The following PRUNE2 variants were observed in gnomAD, a reference collection of about 807,000 sequenced individuals.
PRUNE2 encodes the protein prune homolog 2 with BCH domain.
A neutral mutation model predicts 252.0 loss-of-function variants in PRUNE2; 164 were observed. The observed-to-expected ratio is 0.65, with a 90% CI of 0.57 to 0.74. The LOEUF (loss-of-function observed/expected upper bound fraction) is 0.74, where lower values mean the gene tolerates loss of function less well. Ranked by LOEUF, PRUNE2 falls within the 30% of genes least tolerant of loss-of-function variation. The pLI is 0.00. For synonymous variants in PRUNE2, 1,292 were observed against 1,350.2 expected (o/e 0.96, Z 0.94); for missense variants, 3,495 against 3,711.0 (o/e 0.94, Z 1.51).
intron 6 of PRUNE2, among the ~76,000 whole-genome samples, chr9:76,720,960 G>C (rs2047591482): frequency 6.6e-6 from 1 of 152,102 alleles, no homozygotes; most frequent in Non-Finnish European, 1.5e-5. Flanking sequence ...AATTAGCCAG[G>C]CGTGGTGACC....
Position 76,791,967 on chromosome 9 carries a change from A to C in PRUNE2, c.756+31665T>G, listed in dbSNP as rs527531650. On this transcript the variant is annotated intron_variant, in intron 6 of 18. Transcript: ENST00000376718. ...AGGGAGGGAAGGGAACACTTCAGACAGATTTGAGCATGCAGGGGCATGCTC... is the reference window on the plus strand; with the variant it reads ...AGGGAGGGAAGGGAACACTTCAGACCGATTTGAGCATGCAGGGGCATGCTC... Among the ~76,000 whole-genome samples, 6 of 152,270 alleles carry C rather than the reference A, an allele frequency of 3.9e-5. No homozygotes were observed. In the South Asian group the frequency reaches 1.2e-3, roughly 32 times the overall value.
intron 1 of PRUNE2, among the ~76,000 whole-genome samples, chr9:76,873,337 T>A (rs891797700): frequency 6.6e-6 from 1 of 152,226 alleles, no homozygotes; most frequent in Non-Finnish European, 1.5e-5. Flanking sequence ...AATAAAAGTT[T>A]TTTTAAAAGA....
chr9:76,837,814 C>G (rs1373614408), intron 4 of PRUNE2, among the ~76,000 whole-genome samples: 2 of 149,838 alleles, frequency 1.3e-5, no homozygotes, highest in South Asian at 2.1e-4. Flanking sequence ...CTCTGTCGCC[C>G]AGGCTGGAGT....
At position 76,703,786 on chromosome 9, in the gene PRUNE2, G is replaced by A. The variant is rs371803635; in HGVS notation, c.7827C>T (p.Leu2609=). ...TTTTAGAAGACATTTTCTCTGCAGAGAGACCTTTTCTTTCATTTAAGGAGG... is the reference window on the plus strand; with the variant it reads ...TTTTAGAAGACATTTTCTCTGCAGAAAGACCTTTTCTTTCATTTAAGGAGG... ...QPASLNERKG[L]SAEKMSSKSD... The change falls in exon 9 of 19, where the codon CTC becomes CTT. Residue 2609 remains leucine, a synonymous_variant. Coordinates refer to ENST00000376718, the MANE Select transcript of PRUNE2 (RefSeq NM_015225.3). The A allele has an allele frequency of 1.2e-6, 2 of 1,613,768 alleles. No individual in the cohort carries two copies. The highest frequency in any genetic ancestry group is 2.7e-5 in the African/African-American group (2 of 74,898).
intron 3 of PRUNE2, among the ~76,000 whole-genome samples, chr9:76,848,762 C>T (rs957310632): frequency 1.3e-5 from 2 of 152,214 alleles, no homozygotes; most frequent in Non-Finnish European, 2.9e-5. Context: ...TGTCTTATTC[C>T]TCCTTAGGCA....
intron 6 of PRUNE2, among the ~76,000 whole-genome samples, chr9:76,745,256 T>C (rs10869811): frequency 0.22 from 33,898 of 151,996 alleles, 4,958 homozygotes; most frequent in East Asian, 0.5. Flanking sequence ...AGCCCTTCCC[T>C]AAAATTCAGC....
Position 76,710,739 on chromosome 9 carries a change from G to A in PRUNE2, c.1535C>T (p.Ser512Phe), listed in dbSNP as rs557184592. Residue 512 changes from serine (S) to phenylalanine (F), a missense_variant, in exon 8 of 19, where the codon TCT (serine) becomes TTT (phenylalanine). Coordinates refer to ENST00000376718, the MANE Select transcript of PRUNE2 (RefSeq NM_015225.3). The part of the protein sequence containing the change: ...ASGQSQQSSH[S>F]ADYSPADDFF... ...GTCATCTGCTGGGGAGTAGTCTGCA[G>A]AATGAGAAGATTGCTGGGACTGCCC... 45 of 1,612,332 alleles carry A rather than the reference G, an allele frequency of 2.8e-5. No homozygotes were observed. In the South Asian group the frequency reaches 4.6e-4, roughly 17 times the overall value.
chr9:76,770,013 C>T (rs921567961), intron 6 of PRUNE2, among the ~76,000 whole-genome samples: 2 of 152,108 alleles, frequency 1.3e-5, no homozygotes, highest in South Asian at 2.1e-4. Context: ...GGATTAAAAA[C>T]ATAAAATTTA....
intron 12 of PRUNE2, chr9:76,642,034 G>T: frequency 6.8e-6 from 8 of 1,167,942 alleles, no homozygotes; most frequent in Non-Finnish European, 9.4e-6. Flanking sequence ...AAAAAGAAAA[G>T]AAACTCCTTG....
Position 76,711,031 on chromosome 9 carries a change from C to A in PRUNE2, c.1243G>T (p.Ala415Ser), listed in dbSNP as rs776620856. Residue 415 changes from alanine to serine, a missense_variant, in exon 8 of 19, where the codon GCT (alanine) becomes TCT (serine). Coordinates refer to ENST00000376718, the MANE Select transcript of PRUNE2 (RefSeq NM_015225.3). The stretch of plus-strand genomic sequence containing the variant: ...AGGTCTACATTGGCATCCACCTGAG[C>A]CTGGTTAGAATCATTGAGATCTGGA... ...NPPDLNDSNQ[A>S]QVDANVDLVS... 6.2e-7 allele frequency: 1 copy of A among 1,613,992 alleles called. No homozygotes were observed. Among genetic ancestry groups the A allele is most frequent in the East Asian group, 2.2e-5 (1 of 44,880 alleles).
chr9:76,777,891 G>A (rs1193908965), intron 6 of PRUNE2, among the ~76,000 whole-genome samples: 2 of 152,196 alleles, frequency 1.3e-5, no homozygotes, highest in Admixed American at 6.5e-5. Flanking sequence ...TTTCTAGTCA[G>A]AGAGGGGACA....
At chr9:76,761,835 T>C (rs535507765) in intron 6 of PRUNE2, among the ~76,000 whole-genome samples, 5 of 152,344 alleles carry the variant, frequency 3.3e-5, no homozygotes, top group African/African-American at 1.2e-4. Context: ...GATTTTGAGA[T>C]AGATTATTTA....
At chr9:76,793,330 G>A (rs2055740743) in intron 6 of PRUNE2, among the ~76,000 whole-genome samples, 1 of 152,214 alleles carries the variant, frequency 6.6e-6, no homozygotes, top group Non-Finnish European at 1.5e-5. Flanking sequence ...CCCAAGAGGA[G>A]GTTTACAAGC....
At chr9:76,666,359 C>T (rs1285200298) in intron 9 of PRUNE2, among the ~76,000 whole-genome samples, 1 of 152,220 alleles carries the variant, frequency 6.6e-6, no homozygotes, top group South Asian at 2.1e-4. Flanking sequence ...CCGCAGTTAT[C>T]CGGAGGCCTA....
intron 6 of PRUNE2, among the ~76,000 whole-genome samples, chr9:76,751,259 C>CACACAG (rs1315917849): frequency 1.3e-5 from 2 of 150,886 alleles, no homozygotes; most frequent in Non-Finnish European, 2.9e-5. Flanking sequence ...CAGACACACA[C>CACACAG]ACACACACAC....
intron 4 of PRUNE2, among the ~76,000 whole-genome samples, chr9:76,835,657 G>A (rs947598140): frequency 1.3e-5 from 2 of 152,040 alleles, no homozygotes; most frequent in African/African-American, 2.4e-5. Flanking sequence ...ACAGCCCTCC[G>A]TCTTCGTAAG....
chr9:76,708,469 C>T lies in PRUNE2; in HGVS notation c.3805G>A (p.Ala1269Thr), dbSNP rs774655362. 5.6e-6 allele frequency: 9 copies of T among 1,613,822 alleles called. No individual in the cohort carries two copies. The highest frequency in any genetic ancestry group is 7.6e-6 in the Non-Finnish European group (9 of 1,179,888). ...TCTGATTCACTGGTTCCAGAGGCTG[C>T]TGGCGCATCTGGGGAATGAGTGTCT... ...VKDTHSPDAP[A>T]ASGTSESEAL... Residue 1269 changes from alanine to threonine, a missense_variant, in exon 8 of 19, where the codon GCA becomes ACA. Coordinates refer to ENST00000376718, the MANE Select transcript of PRUNE2 (RefSeq NM_015225.3).
At chr9:76,803,602 A>G (rs1462486195) in intron 6 of PRUNE2, among the ~76,000 whole-genome samples, 2 of 152,164 alleles carry the variant, frequency 1.3e-5, no homozygotes, top group African/African-American at 2.4e-5. Context: ...CTGCAATCTC[A>G]GAGAGGGTTC....
At chr9:76,873,006 T>A (rs2061303991) in intron 1 of PRUNE2, among the ~76,000 whole-genome samples, 1 of 151,686 alleles carries the variant, frequency 6.6e-6, no homozygotes, top group Non-Finnish European at 1.5e-5. Flanking sequence ...CACAGAGACG[T>A]GAACAGAGGG....
Sources: gnomAD v4.1 joint callset for allele counts (sites outside exome capture counted in the v4.1 genomes callset) on GRCh38, gnomAD v4.1.1 for gene constraint, MANE v1.5 for transcripts, NCBI Gene and HGNC (gene_info 2026-07-23, HGNC 2026-07-21) for gene names.